Variants in MSRA observed in about 807,000 individuals in gnomAD.
MSRA encodes mitochondrial peptide methionine sulfoxide reductase.
A neutral mutation model predicts 31.3 loss-of-function variants in MSRA; 54 were observed. The ratio of observed to expected loss-of-function variants is 1.73; its 90% CI spans 1.39 to 2.17. The LOEUF is 2.17. Among genes scored for constraint, MSRA ranks in the 30% most tolerant of loss-of-function variants. MSRA has a pLI of 0.00. For synonymous variants in MSRA, 169 were observed against 116.5 expected, an observed-to-expected ratio of 1.45 and a Z score of -2.90; for missense variants, 507 against 300.9, an observed-to-expected ratio of 1.69 and a Z score of -5.07.
chr8:10,110,450 G>C (rs1378619063), intron 1 of MSRA, among the ~76,000 whole-genome samples: 1 of 152,180 alleles, frequency 6.6e-6, no homozygotes, highest in East Asian at 1.9e-4. Context: ...CCTCACTGCT[G>C]GCTGGAAGTG....
intron 3 of MSRA, among the ~76,000 whole-genome samples, chr8:10,252,034 A>G (rs1185848455): frequency 6.6e-6 from 1 of 152,222 alleles, no homozygotes; most frequent in East Asian, 1.9e-4. Flanking sequence ...GTAAGATTCA[A>G]GCTGCTTGGA....
At chr8:10,193,655 C>G (rs1012042546) in intron 1 of MSRA, among the ~76,000 whole-genome samples, 5 of 152,232 alleles carry the variant, frequency 3.3e-5, no homozygotes, top group African/African-American at 1.2e-4. Flanking sequence ...CATAGAAAGG[C>G]AAGTGTAAAA....
intron 5 of MSRA, among the ~76,000 whole-genome samples, chr8:10,333,006 A>G (rs560579335): frequency 1.3e-5 from 2 of 152,342 alleles, no homozygotes; most frequent in South Asian, 2.1e-4. Context: ...GTTCCATCCA[A>G]GTACATCAGA....
intron 2 of MSRA, among the ~76,000 whole-genome samples, chr8:10,209,328 G>C (rs1585174273): frequency 6.6e-6 from 1 of 152,232 alleles, no homozygotes; most frequent in Non-Finnish European, 1.5e-5. Context: ...AGGCATATGA[G>C]AAACTAAGTC....
intron 2 of MSRA, among the ~76,000 whole-genome samples, chr8:10,220,635 T>G (rs1810405115): frequency 6.6e-6 from 1 of 152,222 alleles, no homozygotes; most frequent in Admixed American, 6.5e-5. Flanking sequence ...GTTTCCTAAT[T>G]TCCATAATTC....
intron 5 of MSRA, among the ~76,000 whole-genome samples, chr8:10,375,484 GGC>G (rs2129171981): frequency 6.6e-6 from 1 of 152,330 alleles, no homozygotes; most frequent in East Asian, 1.9e-4. Context: ...TGGAGCCAGT[GGC>G]CTGTGGGTGC....
At position 10,054,612 on chromosome 8, in the gene MSRA, C is replaced by G. The variant is rs1284565506; in HGVS notation, c.96C>G (p.Ser32Arg). 1 of 1,578,822 alleles carries G rather than the reference C, an allele frequency of 6.3e-7. No individual in the cohort carries two copies. The highest frequency in any genetic ancestry group is 1.8e-5 in the Admixed American group (1 of 56,252). The change falls in exon 1 of 6, where the codon AGC becomes AGG. Residue 32 changes from serine to arginine, a missense_variant. By Grantham distance (110) the Ser-to-Arg change is moderately radical. Coordinates refer to ENST00000317173, the MANE Select transcript of MSRA (RefSeq NM_012331.5). ...RMGNSASNIV[S>R]PQEALPGRKE... is the part of the protein sequence containing the mutation. ...GCAACTCGGCCTCGAACATCGTCAGCCCCCAGGAGGCCTTGCCGGGCCGGA... is the reference window on the plus strand; with the variant it reads ...GCAACTCGGCCTCGAACATCGTCAGGCCCCAGGAGGCCTTGCCGGGCCGGA...
At chr8:10,173,867 G>C (rs916895141) in intron 1 of MSRA, among the ~76,000 whole-genome samples, 6 of 152,174 alleles carry the variant, frequency 3.9e-5, no homozygotes, top group African/African-American at 1.4e-4. Flanking sequence ...TTTGTCTGCT[G>C]CATAAAGACA....
chr8:10,164,925 G>A (rs1804985614), intron 1 of MSRA, among the ~76,000 whole-genome samples: 1 of 152,188 alleles, frequency 6.6e-6, no homozygotes, highest in Non-Finnish European at 1.5e-5. Context: ...CTACTCAGGA[G>A]GCTGAGGCAG....
intron 5 of MSRA, among the ~76,000 whole-genome samples, chr8:10,412,354 G>A (rs1327239286): frequency 6.6e-6 from 1 of 152,202 alleles, no homozygotes; most frequent in African/African-American, 2.4e-5. Flanking sequence ...GGTACTTTGT[G>A]TAATGCCCGA....
chr8:10,370,179 T>C (rs544483636), intron 5 of MSRA, among the ~76,000 whole-genome samples: 1 of 152,236 alleles, frequency 6.6e-6, no homozygotes, highest in African/African-American at 2.4e-5. Context: ...CATTAGTTCC[T>C]TTGTTTTATG....
chr8:10,054,774 C>A (rs1449240564), intron 1 of MSRA, 116 bp downstream of exon 1: 12 of 1,212,484 alleles, frequency 9.9e-6, no homozygotes, highest in Non-Finnish European at 1.3e-5. Flanking sequence ...GGGCGGGTCG[C>A]GGGGTGGGGG....
chr8:10,213,045 A>G (rs1490973121), intron 2 of MSRA, among the ~76,000 whole-genome samples: 2 of 152,160 alleles, frequency 1.3e-5, no homozygotes, highest in African/African-American at 4.8e-5. Flanking sequence ...AAACAATCCA[A>G]TTATACTCTT....
chr8:10,335,714 A>G (rs28406568), intron 5 of MSRA, among the ~76,000 whole-genome samples: 19,366 of 152,186 alleles, frequency 0.13, 1,323 homozygotes, highest in Non-Finnish European at 0.14. Context: ...AGAGCCTTCA[A>G]TCCCCAGAGG....
At chr8:10,266,464 T>C (rs13250969) in intron 3 of MSRA, among the ~76,000 whole-genome samples, 54,647 of 152,150 alleles carry the variant, frequency 0.36, 10,907 homozygotes, top group South Asian at 0.48. Flanking sequence ...TTGACAGCTC[T>C]TGATATATTC....
chr8:10,386,437 C>T (rs1806396952), intron 5 of MSRA, among the ~76,000 whole-genome samples: 1 of 152,164 alleles, frequency 6.6e-6, no homozygotes, highest in Non-Finnish European at 1.5e-5. Flanking sequence ...TGATGATGTT[C>T]ACTGGAGCAT....
rs1261287031 is a variant in MSRA at position 10,283,836 on chromosome 8, T to TATACACAC, written c.332-17697_332-17696insTACACACA. Among the ~76,000 whole-genome samples the TATACACAC allele has an allele frequency of 2.2e-3, 119 of 53,124 alleles. 1 individual carries two copies. The highest frequency in any genetic ancestry group is 3.0e-3 in the South Asian group (3 of 1,008). 34.9% of individuals were successfully genotyped at this position (53,124 alleles called of 152,430 possible). On this transcript the variant is annotated intron_variant, in intron 3 of 5. Transcript: ENST00000317173. ...ATATATATATATATATATATATATA[T>TATACACAC]ACACACACACACACACACACACACA...
chr8:10,235,904 C>G (rs1010134124), intron 2 of MSRA, among the ~76,000 whole-genome samples: 1 of 152,018 alleles, frequency 6.6e-6, no homozygotes, highest in Non-Finnish European at 1.5e-5. Context: ...ATGACAAAAT[C>G]TGAAATAAAA....
intron 1 of MSRA, among the ~76,000 whole-genome samples, chr8:10,203,420 C>T (rs2129058159): frequency 6.6e-6 from 1 of 152,282 alleles, no homozygotes; most frequent in South Asian, 2.1e-4. Context: ...CAGTCATGTG[C>T]CACATAACAA....
Sources: allele counts gnomAD v4.1 joint callset (sites outside exome capture counted in the v4.1 genomes callset), GRCh38; gene constraint gnomAD v4.1.1; transcripts MANE v1.5; gene names NCBI Gene and HGNC (gene_info 2026-07-23, HGNC 2026-07-21).